The following DUSP22 variants were observed in gnomAD, a reference collection of about 807,000 sequenced individuals.
The protein encoded by DUSP22 is dual specificity protein phosphatase 22.
Under a neutral mutation model 24.5 loss-of-function variants are expected in DUSP22, and 24 were observed. That is an observed-to-expected ratio of 0.98 (90% confidence interval 0.71 to 1.38). The LOEUF (loss-of-function observed/expected upper bound fraction) is 1.38. Ranked by LOEUF, DUSP22 falls within the 40% of genes most tolerant of loss-of-function variation. The pLI is 0.00. For missense variants in DUSP22, 330 were observed against 269.2 expected, an observed-to-expected ratio of 1.23 and a Z score of -1.58; for synonymous variants, 160 against 106.4, an observed-to-expected ratio of 1.50 and a Z score of -3.10.
intron 3 of DUSP22, 91 bp downstream of exon 3, chr6:312,053 C>CA (rs1758134682): frequency 1.5e-6 from 2 of 1,337,036 alleles, no homozygotes; most frequent in Admixed American, 4.3e-5. Context: ...AGGTTCTCTC[C>CA]AATGCGAACG....
chr6:349,248 T>A lies in DUSP22; in HGVS notation c.*297T>A. 7.4e-7 allele frequency: 1 copy of A among 1,349,044 alleles called. No individual in the cohort carries two copies. The highest frequency in any genetic ancestry group is 9.6e-7 in the Non-Finnish European group (1 of 1,047,072). The allele number at this position is 1,349,044 out of a possible 1,614,324, so 83.6% of individuals were successfully genotyped here. A position where few individuals can be genotyped will look rare whatever the true frequency, so the allele number is the denominator to read the frequency against. On this transcript the variant is annotated 3_prime_UTR_variant, in exon 7 of 7. Transcript: ENST00000419235. ...ACTTGTGTGTGGGTGACTAAGTGGATGCATGTGTGTGCCTGTGTGAGTGAG... is the reference window on the plus strand; with the variant it reads ...ACTTGTGTGTGGGTGACTAAGTGGAAGCATGTGTGTGCCTGTGTGAGTGAG...
chr6:349,177 C>T lies in DUSP22; in HGVS notation c.*226C>T, dbSNP rs1234932906. The T allele has an allele frequency of 2.1e-6, 3 of 1,426,560 alleles. No individual in the cohort carries two copies. The highest frequency in any genetic ancestry group is 1.4e-5 in the African/African-American group (1 of 69,588). The allele number at this position is 1,426,560 out of a possible 1,614,324, so 88.4% of individuals were successfully genotyped here. A position where few individuals can be genotyped will look rare whatever the true frequency, so the allele number is the denominator to read the frequency against. ...GAGCTTGCTGCCCCTGGGGATGTTG[C>T]CCAGTGGCTGTGCACTGCTCTGTGC... is the stretch of plus-strand genomic sequence containing the variant. On this transcript the variant is annotated 3_prime_UTR_variant, in exon 7 of 7. Coordinates refer to ENST00000419235, the MANE Select transcript of DUSP22 (RefSeq NM_001286555.3).
intron 6 of DUSP22, chr6:348,506 A>G: frequency 1.2e-6 from 1 of 854,672 alleles, no homozygotes. Context: ...GGTACTCCCT[A>G]CTAGTTTGTT....
chr6:335,914 A>G (rs1759340682), intron 4 of DUSP22, among the ~76,000 whole-genome samples: 1 of 152,302 alleles, frequency 6.6e-6, no homozygotes, highest in African/African-American at 2.4e-5. Context: ...TAAACCTTTG[A>G]TGTTATTTTA....
intron 2 of DUSP22, among the ~76,000 whole-genome samples, chr6:310,168 C>G (rs1177069768): frequency 6.6e-6 from 1 of 152,300 alleles, no homozygotes. Flanking sequence ...GCCGTGGTGA[C>G]CAGGCTGGTC....
At chr6:330,277 C>T (rs373459640) in intron 3 of DUSP22, among the ~76,000 whole-genome samples, 210 of 152,360 alleles carry the variant, frequency 1.4e-3, no homozygotes, top group African/African-American at 4.8e-3. Flanking sequence ...AACTTGCTCT[C>T]CCCCTCCTTG....
intron 3 of DUSP22, among the ~76,000 whole-genome samples, chr6:317,205 C>T (rs541822684): frequency 3.7e-4 from 57 of 152,396 alleles, no homozygotes; most frequent in Middle Eastern, 6.8e-3. Context: ...CAAGGTGAGA[C>T]GCCCAGTCTG....
intron 4 of DUSP22, among the ~76,000 whole-genome samples, chr6:342,934 G>T (rs535755734): frequency 2.0e-5 from 3 of 152,308 alleles, no homozygotes; most frequent in South Asian, 2.1e-4. Context: ...TCTGCCAACC[G>T]CAGACGGCTA....
chr6:305,269 A>G (rs1358915771), intron 2 of DUSP22, among the ~76,000 whole-genome samples: 4 of 152,290 alleles, frequency 2.6e-5, no homozygotes, highest in Admixed American at 1.3e-4. Context: ...CCCCTTGACC[A>G]TCACCTGATG....
chr6:347,901 C>T (rs556441883), intron 5 of DUSP22, among the ~76,000 whole-genome samples: 10 of 152,418 alleles, frequency 6.6e-5, no homozygotes, highest in Admixed American at 3.9e-4. Context: ...AGAAAGCATG[C>T]GATTCTAGTG....
At chr6:305,745 A>T (rs376373206) in intron 2 of DUSP22, among the ~76,000 whole-genome samples, 16 of 152,408 alleles carry the variant, frequency 1.0e-4, no homozygotes, top group Admixed American at 5.2e-4. Context: ...CCTTAATAGG[A>T]TGGGAGAGAC....
chr6:305,644 C>A (rs1207654612), intron 2 of DUSP22, among the ~76,000 whole-genome samples: 1 of 152,304 alleles, frequency 6.6e-6, no homozygotes, highest in East Asian at 1.9e-4. Flanking sequence ...TTGTCGGCTT[C>A]CAGGGAGGGG....
intron 3 of DUSP22, among the ~76,000 whole-genome samples, chr6:321,362 A>G (rs1312768485): frequency 6.6e-6 from 1 of 152,308 alleles, no homozygotes; most frequent in East Asian, 1.9e-4. Context: ...CCCAGCAAAG[A>G]TTCATGAACA....
At chr6:310,707 CTCA>C (rs1262905178) in intron 2 of DUSP22, among the ~76,000 whole-genome samples, 6 of 152,300 alleles carry the variant, frequency 3.9e-5, no homozygotes, top group African/African-American at 9.6e-5. Flanking sequence ...TTTAAGAATT[CTCA>C]TCATTAAGAG....
At chr6:316,580 G>A (rs1019354094) in intron 3 of DUSP22, among the ~76,000 whole-genome samples, 16 of 152,296 alleles carry the variant, frequency 1.1e-4, no homozygotes, top group Non-Finnish European at 1.5e-5. Context: ...TCAGAAACCT[G>A]ATATTGTTTG....
At chr6:322,830 T>TA (rs1554100349) in intron 3 of DUSP22, among the ~76,000 whole-genome samples, 4 of 18,818 alleles carry the variant, frequency 2.1e-4, no homozygotes, top group Admixed American at 1.8e-3. Context: ...GGCTGCTTGG[T>TA]GGGGCGGGGG....
intron 1 of DUSP22, among the ~76,000 whole-genome samples, chr6:302,603 C>A (rs957828736): frequency 6.6e-6 from 1 of 152,310 alleles, no homozygotes; most frequent in African/African-American, 2.4e-5. Context: ...CACACCTCTA[C>A]GCTGAGTGCC....
At chr6:302,568 A>G (rs1340324475) in intron 1 of DUSP22, among the ~76,000 whole-genome samples, 1 of 152,306 alleles carries the variant, frequency 6.6e-6, no homozygotes, top group Admixed American at 6.5e-5. Context: ...GCTGCTCATG[A>G]GGGCAGGGCC....
chr6:313,235 A>G (rs1430719857), intron 3 of DUSP22, among the ~76,000 whole-genome samples: 3 of 152,306 alleles, frequency 2.0e-5, no homozygotes, highest in Non-Finnish European at 2.9e-5. Flanking sequence ...TAAATTGCAG[A>G]GATGCCCTCT....
Sources: allele counts gnomAD v4.1 joint callset (sites outside exome capture counted in the v4.1 genomes callset), GRCh38; gene constraint gnomAD v4.1.1; transcripts MANE v1.5; gene names NCBI Gene and HGNC (gene_info 2026-07-23, HGNC 2026-07-21).